Variants in EPPK1 observed in about 807,000 individuals in gnomAD.
EPPK1 encodes epiplakin.
For missense variants in EPPK1, 3,823 were observed against 3,673.3 expected (o/e 1.04, Z -1.05); for synonymous variants, 1,862 against 1,721.2 (o/e 1.08, Z -2.03).
intron 1 of EPPK1, among the ~76,000 whole-genome samples, chr8:143,876,748 G>A (rs970104893): frequency 3.3e-5 from 5 of 152,238 alleles, no homozygotes; most frequent in Non-Finnish European, 5.9e-5. Context: ...CAGGCCAGAC[G>A]AGGGGCTTCT....
At position 143,857,906 on chromosome 8, in the gene EPPK1, A is replaced by C. The variant is rs1818927336; in HGVS notation, c.*81T>G. The stretch of plus-strand genomic sequence containing the variant: ...AAAATTAAAGAATGACAAAAAAAAA[A>C]AAAAAAAAAAAAACAACCCAGACAC... On this transcript the variant is annotated 3_prime_UTR_variant, in exon 2 of 2. Transcript: ENST00000615648. 2 of 781,230 alleles carry C rather than the reference A, an allele frequency of 2.6e-6. No homozygotes were observed. The highest frequency in any genetic ancestry group is 3.7e-6 in the Non-Finnish European group (2 of 536,698). The allele number at this position is 781,230 out of a possible 1,614,324, so 48.4% of individuals were successfully genotyped here. A position where few individuals can be genotyped will look rare whatever the true frequency, so the allele number is the denominator to read the frequency against.
In EPPK1 at chr8:143,866,300, C is replaced by G. The variant is rs1819102619; in HGVS notation, c.6954G>C (p.Gln2318His). Residue 2318 changes from glutamine to histidine, a missense_variant, in exon 2 of 2, where the codon CAG becomes CAC. Physicochemically the swap from Gln to His is conservative, Grantham distance 24 (BLOSUM62 0). Transcript: ENST00000615648. ...TCTGCATGGCCTGGAAGAGGGAGAT[C>G]TGCTGCCCGGTGTAGGGGTCGGTGT... The part of the protein sequence containing the change: ...TGYTDPYTGQ[Q>H]ISLFQAMQKD... The G allele has an allele frequency of 5.1e-5, 26 of 512,738 alleles. No homozygotes were observed. In the Admixed American group the frequency reaches 6.4e-4, roughly 13 times the overall value. The allele number at this position is 512,738 out of a possible 1,614,324, so 31.8% of individuals were successfully genotyped here. A position where few individuals can be genotyped will look rare whatever the true frequency, so the allele number is the denominator to read the frequency against.
Position 143,866,440 on chromosome 8 carries a change from C to G in EPPK1, c.6814G>C (p.Val2272Leu). The G allele has an allele frequency of 4.4e-6, 6 of 1,369,326 alleles. No homozygotes were observed. The highest frequency in any genetic ancestry group is 5.8e-6 in the Non-Finnish European group (6 of 1,026,200). The allele number at this position is 1,369,326 out of a possible 1,614,324, so 84.8% of individuals were successfully genotyped here. The part of the protein sequence containing the change: ...LLEAQAATGF[V>L]IDPVRNLRLS... ...CTCAGGTTGCGCACGGGGTCGATGA[C>G]GAAGCCGGTGGCCGCCTGCGCCTCC... Residue 2272 changes from valine (V) to leucine (L), a missense_variant, in exon 2 of 2, where the codon GTC becomes CTC. Physicochemically the swap from Val to Leu is conservative, Grantham distance 32. Coordinates refer to ENST00000615648, the MANE Select transcript of EPPK1 (RefSeq NM_031308.4).
At position 143,868,888 on chromosome 8, in the gene EPPK1, G is replaced by A; in HGVS notation, c.4366C>T (p.Pro1456Ser). 1 of 1,610,846 alleles carries A rather than the reference G, an allele frequency of 6.2e-7. No homozygotes were observed. The highest frequency in any genetic ancestry group is 8.5e-7 in the Non-Finnish European group (1 of 1,179,834). ...TAVALRAMKV[P>S]VSTGRFKGCS... The stretch of plus-strand genomic sequence containing the variant: ...CCCTTAAACCTCCCTGTGCTGACGG[G>A]CACCTTCATGGCCCTCAGAGCCACC... Residue 1456 changes from proline (P) to serine (S), a missense_variant, in exon 2 of 2, where the codon CCC becomes TCC. Transcript: ENST00000615648.
Position 143,872,858 on chromosome 8 carries a change from G to A in EPPK1, c.396C>T (p.Ala132=). 1 of 1,567,992 alleles carries A rather than the reference G, an allele frequency of 6.4e-7. No homozygotes were observed. The highest frequency in any genetic ancestry group is 8.6e-7 in the Non-Finnish European group (1 of 1,157,034). The part of the protein sequence containing the change: ...YPDPYGGEKL[A]LFQAIGKEVV... ...CCTCCTTCCCGATGGCCTGAAAGAG[G>A]GCCAGCTTCTCACCGCCGTAGGGGT... Residue 132 remains alanine (A), a synonymous_variant, in exon 2 of 2, where the codon GCC becomes GCT. Coordinates refer to ENST00000615648, the MANE Select transcript of EPPK1 (RefSeq NM_031308.4).
In EPPK1 at chr8:143,867,799, C is replaced by T; in HGVS notation, c.5455G>A (p.Ala1819Thr). 6.2e-7 allele frequency: 1 copy of T among 1,613,692 alleles called. No individual in the cohort carries two copies. Among genetic ancestry groups the T allele is most frequent in the Non-Finnish European group, 8.5e-7 (1 of 1,179,882 alleles). Reference protein sequence around the residue: ...RKRELIQEYGAQSGGLEKLLE... With the variant: ...RKRELIQEYGTQSGGLEKLLE... ...AATTTCTCCAGGCCCCCACTCTGGG[C>T]TCCATACTCCTGGATGAGCTCCCGC... Residue 1819 changes from alanine to threonine, a missense_variant, in exon 2 of 2, where the codon GCC (alanine) becomes ACC (threonine). Coordinates refer to ENST00000615648, the MANE Select transcript of EPPK1 (RefSeq NM_031308.4).
At chr8:143,878,925 C>T (rs1554662795), upstream of EPPK1, among the ~76,000 whole-genome samples, 1 of 152,182 alleles carries the variant, frequency 6.6e-6, no homozygotes, top group South Asian at 2.1e-4. Flanking sequence ...CTCTCCTTGG[C>T]AGGCCCCCCT....
chr8:143,872,633 C>A lies in EPPK1; in HGVS notation c.621G>T (p.Glu207Asp). The A allele has an allele frequency of 6.2e-7, 1 of 1,610,132 alleles. No homozygotes were observed. Among genetic ancestry groups the A allele is most frequent in the Non-Finnish European group, 8.5e-7 (1 of 1,179,584 alleles). Reference protein sequence around the residue: ...DLRFLDPNTLERLTYHQLLER... With the variant: ...DLRFLDPNTLDRLTYHQLLER... ...CCAGCAGCTGGTGGTATGTCAGCCGCTCCAGCGTGTTGGGGTCGAGGAAGC... is the reference window on the plus strand; with the variant it reads ...CCAGCAGCTGGTGGTATGTCAGCCGATCCAGCGTGTTGGGGTCGAGGAAGC... The change falls in exon 2 of 2, where the codon GAG becomes GAT. Residue 207 changes from glutamate to aspartate, a missense_variant. Coordinates refer to ENST00000615648, the MANE Select transcript of EPPK1 (RefSeq NM_031308.4).
rs368863679 is a variant in EPPK1, at chr8:143,867,131, A to G, written c.6123T>C (p.Tyr2041=). ...TGTGCTTCTGGTCGGAAATGAGCGC[A>G]TAGATGTCCTTGTGCAGACAGCCCC... ...YRRGCLHKDI[Y]ALISDQKHMR... is the part of the protein sequence containing the mutation. The change falls in exon 2 of 2, where the codon TAT becomes TAC. Residue 2041 remains tyrosine, a synonymous_variant. Coordinates refer to ENST00000615648, the MANE Select transcript of EPPK1 (RefSeq NM_031308.4). 1.7e-4 allele frequency: 279 copies of G among 1,612,786 alleles called. No individual in the cohort carries two copies. The Middle Eastern group carries it at 2.5e-3, about 14-fold the overall frequency.
In EPPK1 at chr8:143,870,723, T is replaced by G; in HGVS notation, c.2531A>C (p.Glu844Ala). The change falls in exon 2 of 2, where the codon GAG becomes GCG. Residue 844 changes from glutamate to alanine, a missense_variant. Transcript: ENST00000615648. The surrounding 1 kb of genome is among the most constrained non-coding windows in gnomAD (Gnocchi z 5.2). Reference sequence around the variant, plus strand: ...ACGCAGCAGCTGCCTCCTGCGGCCCTCGCTGAAGTACTCAGAGTTGATCAG... The same window carrying G: ...ACGCAGCAGCTGCCTCCTGCGGCCCGCGCTGAAGTACTCAGAGTTGATCAG... The part of the protein sequence containing the change: ...WELINSEYFS[E>A]GRRRQLLRRY... 17 of 1,611,798 alleles carry G rather than the reference T, an allele frequency of 1.1e-5. No homozygotes were observed. Among genetic ancestry groups the G allele is most frequent in the Non-Finnish European group, 1.4e-5 (16 of 1,179,406 alleles).
chr8:143,869,467 C>T lies in EPPK1; in HGVS notation c.3787G>A (p.Ala1263Thr), dbSNP rs1392265590. The T allele has an allele frequency of 9.7e-6, 15 of 1,552,890 alleles. No individual in the cohort carries two copies. The highest frequency in any genetic ancestry group is 1.7e-4 in the Middle Eastern group (1 of 5,814). Residue 1263 changes from alanine to threonine, a missense_variant, in exon 2 of 2, where the codon GCC becomes ACC. Coordinates refer to ENST00000615648, the MANE Select transcript of EPPK1 (RefSeq NM_031308.4). ...LQPSGAKASI[A>T]QAVRDGLLPT... The stretch of plus-strand genomic sequence containing the variant: ...AGGAGGCCATCCCTCACGGCCTGGG[C>T]GATGCTGGCCTTGGCCCCAGAGGGC...
chr8:143,868,487 C>T lies in EPPK1; in HGVS notation c.4767G>A (p.Glu1589=). The change falls in exon 2 of 2, where the codon GAG becomes GAA. Residue 1589 remains glutamate (E), a synonymous_variant. Transcript: ENST00000615648. ...GCCGCAGGATGTGCCTCCTCAGGGC[C>T]TCTGGGATGCTCATCCTCTCCTGGG... is the stretch of plus-strand genomic sequence containing the variant. The part of the protein sequence containing the change: ...QGTQERMSIP[E]ALRRHILRPG... 1.2e-6 allele frequency: 2 copies of T among 1,611,498 alleles called. No individual in the cohort carries two copies. The highest frequency in any genetic ancestry group is 1.7e-6 in the Non-Finnish European group (2 of 1,179,426).
In EPPK1 at chr8:143,867,923, C is replaced by T. The variant is rs781987541; in HGVS notation, c.5331G>A (p.Leu1777=). ...VYINEATRHV[L]QSRTAKMRVG... The stretch of plus-strand genomic sequence containing the variant: ...CGCGCATTTTTGCAGTTCTGGATTG[C>T]AACACGTGTCTCGTGGCCTCATTGA... The change falls in exon 2 of 2, where the codon TTG becomes TTA. Residue 1777 remains leucine, a synonymous_variant. Coordinates refer to ENST00000615648, the MANE Select transcript of EPPK1 (RefSeq NM_031308.4). The T allele has an allele frequency of 5.0e-6, 8 of 1,613,496 alleles. No individual in the cohort carries two copies. Among genetic ancestry groups the T allele is most frequent in the Middle Eastern group, 1.6e-4 (1 of 6,084 alleles).
At position 143,873,095 on chromosome 8, in the gene EPPK1, C is replaced by T. The variant is rs1338877296; in HGVS notation, c.159G>A (p.Gln53=). ...CCATGGCGGCGTAGACACTCTGGGC[C>T]TGGCCCGAGGCCTCCACATACACCC... ...IAGVYVEASG[Q]AQSVYAAMEQ... The change falls in exon 2 of 2, where the codon CAG becomes CAA. Residue 53 remains glutamine (Q), a synonymous_variant. Coordinates refer to ENST00000615648, the MANE Select transcript of EPPK1 (RefSeq NM_031308.4). 1 of 1,555,718 alleles carries T rather than the reference C, an allele frequency of 6.4e-7. No individual in the cohort carries two copies. The highest frequency in any genetic ancestry group is 1.4e-5 in the African/African-American group (1 of 73,514).
In EPPK1 at chr8:143,867,189, T is replaced by G. The variant is rs1237705176; in HGVS notation, c.6065A>C (p.His2022Pro). 3.1e-6 allele frequency: 5 copies of G among 1,612,586 alleles called. No homozygotes were observed. The highest frequency in any genetic ancestry group is 2.7e-5 in the African/African-American group (2 of 74,874). ...ATGGVIDPQHHHRLPLETAYR... is the reference protein window; with the variant it reads ...ATGGVIDPQHPHRLPLETAYR... ...GGCTGTTTCCAGTGGGAGCCGGTGG[T>G]GGTGCTGTGGGTCGATGACACCCCC... is the stretch of plus-strand genomic sequence containing the variant. Residue 2022 changes from histidine to proline, a missense_variant, in exon 2 of 2, where the codon CAC (histidine) becomes CCC (proline). His to Pro is a moderately conservative substitution (Grantham distance 77, BLOSUM62 -2). Coordinates refer to ENST00000615648, the MANE Select transcript of EPPK1 (RefSeq NM_031308.4).
In EPPK1 at chr8:143,858,899, CT is replaced by C. The variant is rs1172141087; in HGVS notation, c.14354del (p.Gln4785ArgfsTer16). ...ATMEVQRGQF[Q>X]GRPVSVWDVL... ...CGTCCCACACGGAGACCGGCCGCCC[CT>C]GGAACTGCCCGCGCTGCACCTCCAT... On this transcript the variant is annotated frameshift_variant, in exon 2 of 2. Transcript: ENST00000615648. LOFTEE classifies it low-confidence loss of function (END_TRUNC). 2 of 280,060 alleles carry C rather than the reference CT, an allele frequency of 7.1e-6. No individual in the cohort carries two copies. The highest frequency in any genetic ancestry group is 6.9e-5 in the Admixed American group (1 of 14,568). 17.3% of individuals were successfully genotyped at this position (280,060 alleles called of 1,614,324 possible). A position where few individuals can be genotyped will look rare whatever the true frequency, so the allele number is the denominator to read the frequency against.
chr8:143,874,711 C>T (rs782224241), intron 1 of EPPK1, among the ~76,000 whole-genome samples: 6 of 152,116 alleles, frequency 3.9e-5, no homozygotes, highest in Non-Finnish European at 8.8e-5. Context: ...CACCCAGGAG[C>T]AGGGTCTGCT....
rs782259992 is a variant in EPPK1, at chr8:143,869,978, G to A, written c.3276C>T (p.Arg1092=). 10 of 1,606,960 alleles carry A rather than the reference G, an allele frequency of 6.2e-6. No individual in the cohort carries two copies. In the Middle Eastern group the frequency reaches 1.7e-3, roughly 267 times the overall value. ...CCTCCAGGAGCTGGGCATAGCTCGT[G>A]CGCCCCTGGCCGTCCGGTGTGGGGA... is the stretch of plus-strand genomic sequence containing the variant. ...ETFPTPDGQG[R]TSYAQLLEEC... The change falls in exon 2 of 2, where the codon CGC becomes CGT. Residue 1092 remains arginine (R), a synonymous_variant. Coordinates refer to ENST00000615648, the MANE Select transcript of EPPK1 (RefSeq NM_031308.4).
chr8:143,870,737 A>G lies in EPPK1; in HGVS notation c.2517T>C (p.Ser839=), dbSNP rs1819316449. 1.2e-6 allele frequency: 2 copies of G among 1,612,438 alleles called. No homozygotes were observed. Among genetic ancestry groups the G allele is most frequent in the South Asian group, 1.1e-5 (1 of 91,060 alleles). The change falls in exon 2 of 2, where the codon TCT becomes TCC. Residue 839 remains serine (S), a synonymous_variant. Coordinates refer to ENST00000615648, the MANE Select transcript of EPPK1 (RefSeq NM_031308.4). The surrounding 1 kb of genome is among the most constrained non-coding windows in gnomAD (Gnocchi z 5.2). The part of the protein sequence containing the change: ...QRVSAWELIN[S]EYFSEGRRRQ... ...TCCTGCGGCCCTCGCTGAAGTACTC[A>G]GAGTTGATCAGCTCCCACGCGGAGA... is the stretch of plus-strand genomic sequence containing the variant.
Sources: allele counts gnomAD v4.1 joint callset (sites outside exome capture counted in the v4.1 genomes callset), GRCh38; gene constraint gnomAD v4.1.1; non-coding constraint Gnocchi (gnomAD v3.1); transcripts MANE v1.5; gene names NCBI Gene and HGNC (gene_info 2026-07-23, HGNC 2026-07-21).